Variants in DHRSX observed in about 807,000 individuals in gnomAD.
DHRSX encodes polyprenol dehydrogenase.
A neutral mutation model predicts 34.0 loss-of-function variants in DHRSX; 31 were observed. That is an observed-to-expected ratio of 0.91 (90% CI 0.69 to 1.23). The LOEUF is 1.23. Ranked by LOEUF, DHRSX falls within the 50% of genes most tolerant of loss-of-function variation. The probability of loss-of-function intolerance (pLI) is 0.00; values close to 1 mark genes in which losing one functional copy is unlikely to be tolerated. For missense variants in DHRSX, 414 were observed against 428.1 expected, an observed-to-expected ratio of 0.97 and a Z score of 0.29; for synonymous variants, 201 against 183.8, an observed-to-expected ratio of 1.09 and a Z score of -0.76.
chrX:2,264,905 G>A (rs1030752758), intron 5 of DHRSX, among the ~76,000 whole-genome samples: 14 of 150,132 alleles, frequency 9.3e-5, no homozygotes, highest in African/African-American at 2.7e-4. Context: ...CAGCAAATGC[G>A]GGGGCACTGT....
At chrX:2,282,411 A>AG (rs2041717441) in intron 4 of DHRSX, among the ~76,000 whole-genome samples, 2 of 146,670 alleles carry the variant, frequency 1.4e-5, no homozygotes, top group South Asian at 4.6e-4. Context: ...AAAGAGAGAA[A>AG]GGGGGAGAGA....
intron 3 of DHRSX, among the ~76,000 whole-genome samples, chrX:2,330,131 A>G (rs868374167): frequency 1.8e-5 from 2 of 113,264 alleles, no homozygotes; most frequent in Non-Finnish European, 3.6e-5. Context: ...AGACAGAGAG[A>G]AAGGAAGGAG....
chrX:2,272,200 T>G (rs2041566570), intron 4 of DHRSX, among the ~76,000 whole-genome samples: 1 of 152,092 alleles, frequency 6.6e-6, no homozygotes, highest in Non-Finnish European at 1.5e-5. Context: ...GACGGGAAGC[T>G]TTGCATTTTG....
chrX:2,474,685 T>C (rs67771517), intron 1 of DHRSX, among the ~76,000 whole-genome samples: 31,010 of 144,422 alleles, frequency 0.21, 4,204 homozygotes, highest in African/African-American at 0.41. Context: ...ACACTGAAGA[T>C]GTTCCCTAAG....
intron 5 of DHRSX, among the ~76,000 whole-genome samples, chrX:2,258,148 C>A (rs2041304957): frequency 6.6e-6 from 1 of 151,944 alleles, no homozygotes; most frequent in African/African-American, 2.4e-5. Flanking sequence ...AGACCTCCAG[C>A]CTCCAGGACT....
chrX:2,476,600 T>C (rs1164955194), intron 1 of DHRSX, among the ~76,000 whole-genome samples: 2 of 152,100 alleles, frequency 1.3e-5, no homozygotes, highest in African/African-American at 4.8e-5. Flanking sequence ...ATAGAAAGCA[T>C]TCACTGTTTT....
At chrX:2,327,951 G>C in intron 3 of DHRSX, among the ~76,000 whole-genome samples, 1 of 152,084 alleles carries the variant, frequency 6.6e-6, no homozygotes, top group Middle Eastern at 3.4e-3. Flanking sequence ...ATGGTGGCAC[G>C]CACCTGTAGT....
At chrX:2,224,964 T>TCA (rs1273922476) in intron 6 of DHRSX, among the ~76,000 whole-genome samples, 3 of 30,366 alleles carry the variant, frequency 9.9e-5, no homozygotes, top group East Asian at 2.1e-3. Flanking sequence ...ACACACATGC[T>TCA]CACATTCACA....
chrX:2,490,033 G>A, intron 1 of DHRSX: 1 of 1,613,844 alleles, frequency 6.2e-7, no homozygotes, highest in Admixed American at 1.7e-5. Flanking sequence ...GGCAGCGGGA[G>A]CCCATGGACA....
At chrX:2,302,666 C>T (rs1462854104) in intron 3 of DHRSX, among the ~76,000 whole-genome samples, 1 of 152,040 alleles carries the variant, frequency 6.6e-6, no homozygotes, top group African/African-American at 2.4e-5. Flanking sequence ...ATGGTACACA[C>T]ACTCCTGAAT....
intron 3 of DHRSX, among the ~76,000 whole-genome samples, chrX:2,338,280 C>T (rs1356433387): frequency 6.6e-6 from 1 of 151,588 alleles, no homozygotes; most frequent in African/African-American, 2.4e-5. Flanking sequence ...TTGCGGCGAG[C>T]CGAGACAGTG....
At chrX:2,340,861 G>T (rs1262122143) in intron 3 of DHRSX, among the ~76,000 whole-genome samples, 5 of 152,102 alleles carry the variant, frequency 3.3e-5, no homozygotes, top group African/African-American at 1.2e-4. Flanking sequence ...CAACGAGCTG[G>T]TGTTCCCAAT....
Position 2,407,438 on chromosome X carries a change from G to A in DHRSX, c.286+1307C>T, listed in dbSNP as rs147118348. Among the ~76,000 whole-genome samples the A allele has an allele frequency of 4.2e-4, 64 of 152,238 alleles. 1 individual carries two copies. Among genetic ancestry groups the A allele is most frequent in the African/African-American group, 1.4e-3 (59 of 41,540 alleles). ...ACATTCGTGGGCAATTCATATGGTCGTCCCCCGCAACCCGGAGAGAGGGAG... is the reference window on the plus strand; with the variant it reads ...ACATTCGTGGGCAATTCATATGGTCATCCCCCGCAACCCGGAGAGAGGGAG... On this transcript the variant is annotated intron_variant, in intron 3 of 6. Transcript: ENST00000334651.
Position 2,345,318 on chromosome X carries a change from G to A in DHRSX, c.287-53715C>T, listed in dbSNP as rs1294926670. Among the ~76,000 whole-genome samples, 9 of 151,910 alleles carry A rather than the reference G, an allele frequency of 5.9e-5. No homozygotes were observed. In the South Asian group the frequency reaches 1.7e-3, roughly 28 times the overall value. On this transcript the variant is annotated intron_variant, in intron 3 of 6. Coordinates refer to ENST00000334651, the MANE Select transcript of DHRSX (RefSeq NM_145177.3). ...TTTGAGTAAAGGAATTGGTGGGTAG[G>A]CCTGGTCTAATCAGTTGAAGGTCAT... is the stretch of plus-strand genomic sequence containing the variant.
At chrX:2,402,214 C>T (rs763315352) in intron 3 of DHRSX, among the ~76,000 whole-genome samples, 8 of 152,292 alleles carry the variant, frequency 5.3e-5, no homozygotes, top group East Asian at 1.9e-4. Flanking sequence ...ATGGCTGAAC[C>T]GGGGTTACCC....
intron 3 of DHRSX, among the ~76,000 whole-genome samples, chrX:2,347,349 A>G (rs1297784043): frequency 6.6e-6 from 1 of 152,178 alleles, no homozygotes; most frequent in Non-Finnish European, 1.5e-5. Flanking sequence ...ACCTGCCCCC[A>G]TGATTCGGTT....
At chrX:2,474,615 G>T (rs73179257) in intron 1 of DHRSX, among the ~76,000 whole-genome samples, 31,136 of 142,736 alleles carry the variant, frequency 0.22, 4,265 homozygotes, top group African/African-American at 0.42. Context: ...AAGGGACGGC[G>T]GCCATCTACA....
intron 4 of DHRSX, among the ~76,000 whole-genome samples, chrX:2,285,173 T>C (rs749456283): frequency 9.9e-5 from 15 of 152,276 alleles, no homozygotes; most frequent in Admixed American, 2.0e-4. Flanking sequence ...GGGCATGACA[T>C]TTATTGTACA....
intron 3 of DHRSX, among the ~76,000 whole-genome samples, chrX:2,371,404 A>ACTACCATAGACCCTCCTTTCG (rs1556494393): frequency 1.4e-5 from 2 of 142,592 alleles, no homozygotes; most frequent in African/African-American, 5.5e-5. Flanking sequence ...CCCTTCTCAC[A>ACTACCATAGACCCTCCTTTCG]TTACCATAGT....
Sources: gnomAD v4.1 joint callset for allele counts (sites outside exome capture counted in the v4.1 genomes callset) on GRCh38, gnomAD v4.1.1 for gene constraint, MANE v1.5 for transcripts, NCBI Gene and HGNC (gene_info 2026-07-23, HGNC 2026-07-21) for gene names.